Variants in GLYATL1 observed in about 807,000 individuals in gnomAD.
The protein encoded by GLYATL1 is glycine N-acyltransferase-like protein 1.
In GLYATL1, 15 loss-of-function variants were observed where a neutral mutation model predicts 20.0. That is an observed-to-expected ratio of 0.75 (90% CI 0.50 to 1.15). The LOEUF (loss-of-function observed/expected upper bound fraction) is 1.15, where lower values mean the gene tolerates loss of function less well. Ranked by LOEUF, GLYATL1 falls within the 50% of genes most tolerant of loss-of-function variation. The pLI is 0.00. For missense variants in GLYATL1, 380 were observed against 368.5 expected (o/e 1.03, Z -0.26); for synonymous variants, 151 against 131.5 (o/e 1.15, Z -1.01).
intron 1 of GLYATL1, among the ~76,000 whole-genome samples, chr11:58,932,110 C>CAA (rs5792141): frequency 0.039 from 2,315 of 60,056 alleles, 171 homozygotes; most frequent in East Asian, 0.081. Flanking sequence ...GACCCCTTCT[C>CAA]AAAAAAAAAA....
chr11:58,941,710 CA>C (rs1856169773), intron 1 of GLYATL1, among the ~76,000 whole-genome samples: 3 of 152,296 alleles, frequency 2.0e-5, no homozygotes, highest in Non-Finnish European at 4.4e-5. Context: ...AAAGAACAGC[CA>C]AGTGCCTGAA....
At chr11:58,944,660 G>A (rs550211490) in intron 2 of GLYATL1, among the ~76,000 whole-genome samples, 53 of 151,790 alleles carry the variant, frequency 3.5e-4, no homozygotes, top group African/African-American at 1.3e-3. Context: ...CATAATTTGG[G>A]TACATATGTA....
At chr11:58,916,157 T>C (rs1855166587) in intron 1 of GLYATL1, among the ~76,000 whole-genome samples, 1 of 152,224 alleles carries the variant, frequency 6.6e-6, no homozygotes, top group Non-Finnish European at 1.5e-5. Flanking sequence ...TTTTTTGGAA[T>C]GGGGACTTTT....
At chr11:58,920,154 C>A (rs11229695) in intron 1 of GLYATL1, among the ~76,000 whole-genome samples, 27,115 of 152,018 alleles carry the variant, frequency 0.18, 2,773 homozygotes, top group East Asian at 0.31. Flanking sequence ...TTCTAGTGTT[C>A]CTGATTTTTG....
At chr11:58,926,537 A>C (rs1855432802), upstream of GLYATL1, among the ~76,000 whole-genome samples, 1 of 152,246 alleles carries the variant, frequency 6.6e-6, no homozygotes, top group Non-Finnish European at 1.5e-5. Flanking sequence ...CAGTAAACCT[A>C]GATCCAGTGA....
chr11:58,912,595 A>G (rs1289258196), downstream of GLYATL1, among the ~76,000 whole-genome samples: 1 of 152,210 alleles, frequency 6.6e-6, no homozygotes, highest in Non-Finnish European at 1.5e-5. Flanking sequence ...TGGTCAAGAT[A>G]ATAAGTTATT....
chr11:58,919,744 G>T (rs1855263458), intron 1 of GLYATL1, among the ~76,000 whole-genome samples: 1 of 152,152 alleles, frequency 6.6e-6, no homozygotes, highest in Admixed American at 6.5e-5. Context: ...AATTCCCGGG[G>T]TTCGGGTAGG....
intron 4 of GLYATL1, among the ~76,000 whole-genome samples, chr11:58,948,234 G>A (rs777197717): frequency 3.9e-5 from 6 of 152,194 alleles, no homozygotes; most frequent in Non-Finnish European, 7.3e-5. Context: ...TGAGGTGGCA[G>A]GGGTCACCTG....
intron 1 of GLYATL1, among the ~76,000 whole-genome samples, chr11:58,918,622 T>C (rs886612731): frequency 2.0e-5 from 3 of 152,206 alleles, no homozygotes; most frequent in Non-Finnish European, 4.4e-5. Context: ...AGAGGTGTTT[T>C]CCCAGGGGAG....
At chr11:58,947,007 G>A (rs1856611916) in intron 2 of GLYATL1, 39 bp from the exon 3 acceptor site, 2 of 1,456,970 alleles carry the variant, frequency 1.4e-6, no homozygotes, top group African/African-American at 1.4e-5. Context: ...AAATTCATTT[G>A]TTTCCTTAAC....
intron 4 of GLYATL1, among the ~76,000 whole-genome samples, chr11:58,954,176 C>T (rs986714432): frequency 7.9e-5 from 12 of 152,178 alleles, no homozygotes; most frequent in African/African-American, 2.9e-4. Flanking sequence ...ACACTATTGA[C>T]TCTAGGTGTC....
At chr11:58,947,192 A>G (rs762062535) in intron 3 of GLYATL1, 27 bp downstream of exon 3, 2 of 1,610,320 alleles carry the variant, frequency 1.2e-6, no homozygotes, top group Non-Finnish European at 1.7e-6. Context: ...AGGTCAGGGT[A>G]TGGGAGTAGG....
chr11:58,918,734 T>C (rs1329153886), intron 1 of GLYATL1, among the ~76,000 whole-genome samples: 1 of 152,248 alleles, frequency 6.6e-6, no homozygotes, highest in Non-Finnish European at 1.5e-5. Flanking sequence ...TGATGGTGAC[T>C]CTGCAAGCTT....
chr11:58,947,820 A>T lies in GLYATL1; in HGVS notation c.79-38A>T, dbSNP rs372090616. ...CACAACCAGATCCTCATCTCTGGGG[A>T]TCTCAACCTCTCCTGGTCCCTTTCA... On this transcript the variant is annotated intron_variant, in intron 3 of 6. Transcript: ENST00000532726. 18 of 1,291,474 alleles carry T rather than the reference A, an allele frequency of 1.4e-5. No individual in the cohort carries two copies. The African/African-American group carries it at 2.3e-4, about 17-fold the overall frequency. 80.0% of individuals were successfully genotyped at this position (1,291,474 alleles called of 1,614,324 possible).
downstream of GLYATL1, among the ~76,000 whole-genome samples, chr11:58,911,720 C>T (rs1225576674): frequency 2.0e-5 from 3 of 152,120 alleles, no homozygotes; most frequent in Admixed American, 6.5e-5. Flanking sequence ...TGTTATATTG[C>T]TTTTCTCATA....
intron 1 of GLYATL1, among the ~76,000 whole-genome samples, chr11:58,930,565 A>C (rs894924735): frequency 6.6e-6 from 1 of 152,244 alleles, no homozygotes; most frequent in South Asian, 2.1e-4. Context: ...TGATATTTAC[A>C]AAACATTGGA....
Position 58,932,104 on chromosome 11 carries a change from C to T in GLYATL1, c.-212+4275C>T, listed in dbSNP as rs535448417. 2.5e-3 allele frequency among the ~76,000 whole-genome samples: 232 copies of T among 94,532 alleles called. 1 individual carries two copies. The highest frequency in any genetic ancestry group is 3.7e-3 in the Non-Finnish European group (175 of 47,856). The allele number at this position is 94,532 out of a possible 152,430, so 62.0% of individuals were successfully genotyped here. ...TCCAGCCTAGGGGACAGAAGAGACCCCTTCTCAAAAAAAAAAAAAAAAAAA... is the reference window on the plus strand; with the variant it reads ...TCCAGCCTAGGGGACAGAAGAGACCTCTTCTCAAAAAAAAAAAAAAAAAAA... On this transcript the variant is annotated intron_variant, in intron 1 of 7. Transcript: ENST00000317391.
upstream of GLYATL1, among the ~76,000 whole-genome samples, chr11:58,936,315 G>A (rs2135153645): frequency 6.6e-6 from 1 of 152,338 alleles, no homozygotes; most frequent in East Asian, 1.9e-4. Flanking sequence ...GTGGAAACCA[G>A]CATCTTACAA....
chr11:58,907,713 A>G (rs894020900), exon 2 of GLYATL1: 3 of 198,798 alleles, frequency 1.5e-5, no homozygotes, highest in African/African-American at 2.3e-5. Context: ...TGTTAATTTC[A>G]CAACTTTGGG....
Sources: gnomAD v4.1 joint callset for allele counts (sites outside exome capture counted in the v4.1 genomes callset) on GRCh38, gnomAD v4.1.1 for gene constraint, MANE v1.5 for transcripts, NCBI Gene and HGNC (gene_info 2026-07-23, HGNC 2026-07-21) for gene names.